Variants in PIGV observed in about 807,000 individuals in gnomAD.
The protein encoded by PIGV is GPI alpha-1,6-mannosyltransferase 2.
Under a neutral mutation model 39.2 loss-of-function variants are expected in PIGV, and 27 were observed. The observed-to-expected ratio is 0.69, with a 90% CI of 0.51 to 0.95. The LOEUF is 0.95. Ranked by LOEUF, PIGV falls within the 40% of genes least tolerant of loss-of-function variation. The pLI is 0.00. For missense variants in PIGV, 523 were observed against 586.4 expected (o/e 0.89, Z 1.12); for synonymous variants, 232 against 241.7 (o/e 0.96, Z 0.37).
intron 2 of PIGV, among the ~76,000 whole-genome samples, chr1:26,793,095 G>A (rs1570640639): frequency 6.6e-6 from 1 of 152,214 alleles, no homozygotes; most frequent in South Asian, 2.1e-4. Context: ...CTCTAAGGCT[G>A]GCTCCTCTAC....
upstream of PIGV, among the ~76,000 whole-genome samples, chr1:26,787,125 C>T (rs2081247631): frequency 6.6e-6 from 1 of 152,326 alleles, no homozygotes; most frequent in Admixed American, 6.5e-5. Context: ...GCTTTGGAAT[C>T]CTGAGAAACA....
In PIGV at chr1:26,797,693, C is replaced by T. The variant is rs763982792; in HGVS notation, c.1331C>T (p.Pro444Leu). The T allele has an allele frequency of 1.2e-6, 2 of 1,614,166 alleles. No homozygotes were observed. Among genetic ancestry groups the T allele is most frequent in the Non-Finnish European group, 1.7e-6 (2 of 1,180,004 alleles). Residue 444 changes from proline (P) to leucine (L), a missense_variant, in exon 4 of 4, where the codon CCA becomes CTA. Coordinates refer to ENST00000674202, the MANE Select transcript of PIGV (RefSeq NM_017837.4). ...VPWKPLAEDS[P>L]PGQKVPRNPI... ...TGGAAGCCTCTTGCAGAGGACTCCCCACCAGGACAAAAGGTCCCCAGAAAT... is the reference window on the plus strand; with the variant it reads ...TGGAAGCCTCTTGCAGAGGACTCCCTACCAGGACAAAAGGTCCCCAGAAAT...
intron 2 of PIGV, among the ~76,000 whole-genome samples, chr1:26,792,406 C>T (rs2081323305): frequency 6.6e-6 from 1 of 151,588 alleles, no homozygotes; most frequent in South Asian, 2.1e-4. Context: ...CGGCTCACTG[C>T]AAGCTCCGCT....
chr1:26,791,137 C>T (rs2081303276), intron 2 of PIGV, among the ~76,000 whole-genome samples: 1 of 152,136 alleles, frequency 6.6e-6, no homozygotes, highest in Non-Finnish European at 1.5e-5. Context: ...AGCCACATAG[C>T]AAGATAGAGA....
At position 26,794,317 on chromosome 1, in the gene PIGV, C is replaced by T; in HGVS notation, c.283C>T (p.Leu95=). 1 of 1,614,182 alleles carries T rather than the reference C, an allele frequency of 6.2e-7. No homozygotes were observed. The highest frequency in any genetic ancestry group is 8.5e-7 in the Non-Finnish European group (1 of 1,180,002). Residue 95 remains leucine (L), a synonymous_variant, in exon 3 of 4, where the codon CTG becomes TTG. Coordinates refer to ENST00000674202, the MANE Select transcript of PIGV (RefSeq NM_017837.4). ...CTTCTTTCCTGGTTTCCCCTTGGCC[C>T]TGCTGGTGGGGACTGAACTGTTGAG... ...FAFFPGFPLA[L]LVGTELLRPL...
chr1:26,797,515 A>G, intron 3 of PIGV, 48 bp from the exon 4 acceptor site: 2 of 1,551,500 alleles, frequency 1.3e-6, no homozygotes, highest in Non-Finnish European at 1.8e-6. Flanking sequence ...AATTTGAGTC[A>G]GTGACATTCC....
At chr1:26,796,414 C>T (rs1287198184) in intron 3 of PIGV, among the ~76,000 whole-genome samples, 2 of 152,226 alleles carry the variant, frequency 1.3e-5, no homozygotes, top group East Asian at 1.9e-4. Flanking sequence ...GTGATCCACC[C>T]GCCTTGGCCT....
chr1:26,793,490 T>C (rs2081338635), intron 2 of PIGV, among the ~76,000 whole-genome samples: 1 of 152,212 alleles, frequency 6.6e-6, no homozygotes, highest in South Asian at 2.1e-4. Context: ...GTTCTAATGC[T>C]CTCTTGGGTT....
In PIGV at chr1:26,794,378, T is replaced by C; in HGVS notation, c.344T>C (p.Leu115Pro). The change falls in exon 3 of 4, where the codon CTG becomes CCG. Residue 115 changes from leucine to proline, a missense_variant. Leu to Pro is a moderately conservative substitution (Grantham distance 98). Transcript: ENST00000674202. ...GGGTTACTGAGTCTACGCAGTTGCC[T>C]GCTGATTTCGGTAGCATCACTCAAT... ...LRGLLSLRSC[L>P]LISVASLNFL... 1.2e-6 allele frequency: 2 copies of C among 1,614,274 alleles called. No homozygotes were observed. The highest frequency in any genetic ancestry group is 8.5e-7 in the Non-Finnish European group (1 of 1,180,042).
rs778762487 is a variant in PIGV, at chr1:26,797,617, C to G, written c.1255C>G (p.His419Asp). 3 of 1,613,990 alleles carry G rather than the reference C, an allele frequency of 1.9e-6. No homozygotes were observed. The African/African-American group carries it at 4.0e-5, about 22-fold the overall frequency. The change falls in exon 4 of 4, where the codon CAC (histidine) becomes GAC (aspartate). Residue 419 changes from histidine (H) to aspartate (D), a missense_variant. By Grantham distance (81) the His-to-Asp change is moderately conservative (BLOSUM62 -1). Coordinates refer to ENST00000674202, the MANE Select transcript of PIGV (RefSeq NM_017837.4). ...TCCTATTATGTACTGGTTTCCAGCTCACTTGCTTCAGGATCAAGAGCCGCT... is the reference window on the plus strand; with the variant it reads ...TCCTATTATGTACTGGTTTCCAGCTGACTTGCTTCAGGATCAAGAGCCGCT... ...STPIMYWFPA[H>D]LLQDQEPLLR...
In PIGV at chr1:26,794,175, C is replaced by T. The variant is rs1322738219; in HGVS notation, c.141C>T (p.Ala47=). 6.2e-7 allele frequency: 1 copy of T among 1,614,214 alleles called. No individual in the cohort carries two copies. The highest frequency in any genetic ancestry group is 1.3e-5 in the African/African-American group (1 of 75,058). Residue 47 remains alanine (A), a synonymous_variant, in exon 3 of 4, where the codon GCC becomes GCT. Coordinates refer to ENST00000674202, the MANE Select transcript of PIGV (RefSeq NM_017837.4). ...HAEAFSPPRL[A]PSGFVDQLVE... ...AAGCCTTCTCTCCTCCTCGCCTGGC[C>T]CCCTCAGGCTTTGTGGACCAACTCG...
At position 26,795,246 on chromosome 1, in the gene PIGV, T is replaced by A; in HGVS notation, c.1200+12T>A. ...GCATGCATGTTCAGGTGAGGTGGAT[T>A]CCTGACTGGGATAAGGATGTGAATA... On this transcript the variant is annotated intron_variant, in intron 3 of 3. Transcript: ENST00000674202. 6.2e-7 allele frequency: 1 copy of A among 1,613,374 alleles called. No homozygotes were observed.
intron 1 of PIGV, 67 bp downstream of exon 1, chr1:26,788,335 G>C (rs1030445317): frequency 2.0e-5 from 3 of 152,378 alleles, no homozygotes; most frequent in Admixed American, 6.5e-5. Context: ...AACGGGTTGC[G>C]GACACGGCTG....
At chr1:26,787,212 T>A (rs1040128508), upstream of PIGV, among the ~76,000 whole-genome samples, 16 of 152,224 alleles carry the variant, frequency 1.1e-4, no homozygotes, top group African/African-American at 3.1e-4. Context: ...CAGTTTCCGT[T>A]ACAAGGGTAC....
At chr1:26,790,619 A>G (rs538207939) in intron 1 of PIGV, 140 bp from the exon 2 acceptor site, 1 of 612,828 alleles carries the variant, frequency 1.6e-6, no homozygotes, top group East Asian at 2.8e-5. Flanking sequence ...TTTGCTGTCA[A>G]GATGCTTTCC....
At chr1:26,789,800 A>T (rs932373971) in intron 1 of PIGV, among the ~76,000 whole-genome samples, 11 of 150,500 alleles carry the variant, frequency 7.3e-5, no homozygotes, top group African/African-American at 1.5e-4. Flanking sequence ...CTCAGTTCAA[A>T]TTTTTTTTTT....
intron 3 of PIGV, among the ~76,000 whole-genome samples, chr1:26,796,459 C>T (rs1226265023): frequency 6.6e-6 from 1 of 152,070 alleles, no homozygotes; most frequent in Admixed American, 6.6e-5. Context: ...CGAGCCACTG[C>T]GCCCAGCAAG....
chr1:26,790,117 T>C (rs2081291601), intron 1 of PIGV, among the ~76,000 whole-genome samples: 1 of 152,160 alleles, frequency 6.6e-6, no homozygotes, highest in African/African-American at 2.4e-5. Context: ...TCCTGCTGAG[T>C]GGTGGTTTTC....
intron 3 of PIGV, among the ~76,000 whole-genome samples, chr1:26,797,289 T>C (rs1177929971): frequency 1.3e-5 from 2 of 152,180 alleles, no homozygotes; most frequent in African/African-American, 4.8e-5. Context: ...TTAGACCCCA[T>C]AGAGTTTCTA....
Sources: gnomAD v4.1 joint callset for allele counts (sites outside exome capture counted in the v4.1 genomes callset) on GRCh38, gnomAD v4.1.1 for gene constraint, MANE v1.5 for transcripts, NCBI Gene and HGNC (gene_info 2026-07-23, HGNC 2026-07-21) for gene names.